The following TXLNB variants were observed in gnomAD, a reference collection of about 807,000 sequenced individuals.
TXLNB encodes the protein beta-taxilin.
In TXLNB, 37 loss-of-function variants were observed where a neutral mutation model predicts 57.4. The ratio of observed to expected loss-of-function variants is 0.64; its 90% confidence interval spans 0.50 to 0.85. TXLNB has a LOEUF of 0.85. Ranked by LOEUF, TXLNB falls within the 40% of genes least tolerant of loss-of-function variation. The pLI is 0.00. For missense variants in TXLNB, 848 were observed against 825.6 expected, an observed-to-expected ratio of 1.03 and a Z score of -0.33; for synonymous variants, 302 against 309.6, an observed-to-expected ratio of 0.98 and a Z score of 0.26.
intron 4 of TXLNB, among the ~76,000 whole-genome samples, chr6:139,268,456 T>C (rs1457913096): frequency 1.3e-5 from 2 of 152,126 alleles, no homozygotes; most frequent in East Asian, 3.8e-4. Context: ...GAAGTACATA[T>C]GGTATCAAGA....
chr6:139,315,484 T>C, the TXLNB span, among the ~76,000 whole-genome samples: 3 of 152,328 alleles, frequency 2.0e-5, no homozygotes, highest in African/African-American at 7.2e-5. Context: ...ATGAGTAAAA[T>C]TCATGTATCT....
chr6:139,204,511 T>C, the TXLNB span, among the ~76,000 whole-genome samples: 2 of 151,470 alleles, frequency 1.3e-5, no homozygotes, highest in South Asian at 4.2e-4. Flanking sequence ...CAGGGAGGGG[T>C]CACAGGGTGA....
At chr6:139,215,902 T>C in the TXLNB span, among the ~76,000 whole-genome samples, 1 of 151,930 alleles carries the variant, frequency 6.6e-6, no homozygotes, top group Non-Finnish European at 1.5e-5. Context: ...ATCAGAGAAA[T>C]GCAAATCAAA....
intron 3 of TXLNB, 25 bp downstream of exon 3, chr6:139,276,805 A>G (rs754820219): frequency 9.5e-6 from 15 of 1,578,262 alleles, no homozygotes; most frequent in Non-Finnish European, 1.3e-5. Flanking sequence ...TCGTTCTGAG[A>G]AAAGAAGCTA....
the TXLNB span, among the ~76,000 whole-genome samples, chr6:139,161,866 A>G: frequency 1.3e-5 from 2 of 152,214 alleles, no homozygotes; most frequent in East Asian, 1.9e-4. Flanking sequence ...TAATTGACCA[A>G]TTAACATTTT....
At chr6:139,290,039 A>G (rs1322114276) in intron 1 of TXLNB, among the ~76,000 whole-genome samples, 1 of 152,224 alleles carries the variant, frequency 6.6e-6, no homozygotes, top group African/African-American at 2.4e-5. Context: ...AACTGGCATC[A>G]TTTTTAGATT....
At chr6:139,188,385 G>A in the TXLNB span, among the ~76,000 whole-genome samples, 1 of 152,032 alleles carries the variant, frequency 6.6e-6, no homozygotes. Context: ...TCCCTAGTTG[G>A]GTCAGCTTCA....
chr6:139,244,014 G>A (rs1009690653), intron 9 of TXLNB, among the ~76,000 whole-genome samples: 1 of 151,970 alleles, frequency 6.6e-6, no homozygotes, highest in Non-Finnish European at 1.5e-5. Context: ...GTTATACATG[G>A]AGAGACCTTC....
intron 2 of TXLNB, among the ~76,000 whole-genome samples, chr6:139,278,411 G>A (rs760702233): frequency 2.6e-5 from 4 of 152,140 alleles, no homozygotes; most frequent in Non-Finnish European, 5.9e-5. Context: ...GTGTGAGTAG[G>A]GTCCCTCCCA....
downstream of TXLNB, among the ~76,000 whole-genome samples, chr6:139,238,326 G>A (rs1775859242): frequency 6.6e-6 from 1 of 152,176 alleles, no homozygotes; most frequent in Non-Finnish European, 1.5e-5. Context: ...CCTGGGAGGT[G>A]GAGGTTGCAG....
At chr6:139,245,169 A>G (rs1367879191) in intron 8 of TXLNB, among the ~76,000 whole-genome samples, 1 of 152,218 alleles carries the variant, frequency 6.6e-6, no homozygotes, top group Non-Finnish European at 1.5e-5. Flanking sequence ...AGAGTGAGGT[A>G]GAGTTCACAA....
At chr6:139,298,479 G>C in the TXLNB span, among the ~76,000 whole-genome samples, 1 of 152,112 alleles carries the variant, frequency 6.6e-6, no homozygotes, top group Non-Finnish European at 1.5e-5. Context: ...TATTTTGCAG[G>C]AATATTGGAC....
chr6:139,224,329 G>A, the TXLNB span, among the ~76,000 whole-genome samples: 7 of 148,952 alleles, frequency 4.7e-5, 1 homozygote. Context: ...GATAGCATTG[G>A]GAGATATACC....
At chr6:139,207,505 G>A in the TXLNB span, among the ~76,000 whole-genome samples, 1 of 152,130 alleles carries the variant, frequency 6.6e-6, no homozygotes, top group Non-Finnish European at 1.5e-5. Flanking sequence ...AAAGTTCATA[G>A]CATTAAACAT....
At chr6:139,168,925 T>C in the TXLNB span, among the ~76,000 whole-genome samples, 1 of 152,356 alleles carries the variant, frequency 6.6e-6, no homozygotes, top group South Asian at 2.1e-4. Flanking sequence ...TGTCACTATT[T>C]TGAGAGGTCT....
Position 139,285,257 on chromosome 6 carries a change from AACACACACACACACACACAC to A in TXLNB, c.424+3199_424+3218del, listed in dbSNP as rs57409101. 2.0e-4 allele frequency among the ~76,000 whole-genome samples: 24 copies of A among 120,078 alleles called. 3 individuals carry two copies. Among genetic ancestry groups the A allele is most frequent in the African/African-American group, 5.6e-4 (18 of 32,046 alleles). 78.8% of individuals were successfully genotyped at this position (120,078 alleles called of 152,430 possible). On this transcript the variant is annotated intron_variant, in intron 2 of 9. Transcript: ENST00000358430. ...CTATTTTCTTCATATCTTTCCCCTC[AACACACACACACACACACAC>A]ACACACACACACACACACACACACA...
At chr6:139,166,372 C>A in the TXLNB span, 1 of 1,614,158 alleles carries the variant, frequency 6.2e-7, no homozygotes, top group East Asian at 2.2e-5. Context: ...TGTGCAACAA[C>A]GAGCACTGCC....
intron 2 of TXLNB, among the ~76,000 whole-genome samples, chr6:139,284,447 G>A (rs1777125735): frequency 6.9e-6 from 1 of 145,292 alleles, no homozygotes; most frequent in Non-Finnish European, 1.5e-5. Flanking sequence ...AGAATCGCTT[G>A]AACTAGGGAG....
At chr6:139,181,441 A>G in the TXLNB span, among the ~76,000 whole-genome samples, 1 of 152,186 alleles carries the variant, frequency 6.6e-6, no homozygotes, top group Non-Finnish European at 1.5e-5. Context: ...CCCTTTGTCC[A>G]GTGGATCCAT....
Sources: allele counts gnomAD v4.1 joint callset (sites outside exome capture counted in the v4.1 genomes callset), GRCh38; gene constraint gnomAD v4.1.1; transcripts MANE v1.5; gene names NCBI Gene and HGNC (gene_info 2026-07-23, HGNC 2026-07-21).